TOPAZ1: variants seen among roughly 807,000 people sequenced by gnomAD.
TOPAZ1 encodes testis and ovary specific TOPAZ 1, also known as protein TOPAZ1.
In TOPAZ1, 66 loss-of-function variants were observed where a neutral mutation model predicts 172.2. The ratio of observed to expected loss-of-function variants is 0.38; its 90% CI spans 0.31 to 0.47. TOPAZ1 has a LOEUF of 0.47. TOPAZ1 is among the 20% of genes least tolerant of loss of function. The pLI, the probability that TOPAZ1 is intolerant of heterozygous loss-of-function variation, is 0.99. For missense variants in TOPAZ1, 1,822 were observed against 1,972.4 expected (o/e 0.92, Z 1.44); for synonymous variants, 681 against 683.9 (o/e 1.00, Z 0.07).
chr3:44,249,106 A>G (rs1163282705), intron 2 of TOPAZ1, among the ~76,000 whole-genome samples: 1 of 152,184 alleles, frequency 6.6e-6, no homozygotes, highest in African/African-American at 2.4e-5. Flanking sequence ...CATAATAGTC[A>G]GTGCTGGACA....
At chr3:44,249,717 C>T (rs903344217) in intron 2 of TOPAZ1, among the ~76,000 whole-genome samples, 9 of 152,172 alleles carry the variant, frequency 5.9e-5, no homozygotes, top group Admixed American at 5.9e-4. Context: ...ATTAAGGTTT[C>T]AATTCCTATT....
At position 44,256,167 on chromosome 3, in the gene TOPAZ1, T is replaced by C; in HGVS notation, c.2844T>C (p.Arg948=). ...ASNSAESEIK[R]DPKDVNTSLG... The stretch of plus-strand genomic sequence containing the variant: ...TCTTTTCAGAAAGTGAAATAAAACG[T>C]GATCCCAAAGATGTAAACACTTCCT... The change falls in exon 4 of 20, where the codon CGT becomes CGC. Residue 948 remains arginine (R), a synonymous_variant. Coordinates refer to ENST00000309765, the MANE Select transcript of TOPAZ1 (RefSeq NM_001145030.2). 6.6e-7 allele frequency: 1 copy of C among 1,508,420 alleles called. No individual in the cohort carries two copies. The highest frequency in any genetic ancestry group is 8.8e-7 in the Non-Finnish European group (1 of 1,134,108). The allele number at this position is 1,508,420 out of a possible 1,614,324, so 93.4% of individuals were successfully genotyped here.
chr3:44,284,643 A>G (rs1272050753), intron 9 of TOPAZ1, among the ~76,000 whole-genome samples: 1 of 152,144 alleles, frequency 6.6e-6, no homozygotes, highest in East Asian at 1.9e-4. Context: ...CTAAGAGTAA[A>G]ACTATAGGTC....
At chr3:44,288,373 A>G (rs1700101515) in intron 11 of TOPAZ1, among the ~76,000 whole-genome samples, 1 of 152,034 alleles carries the variant, frequency 6.6e-6, no homozygotes, top group East Asian at 1.9e-4. Context: ...TTGCTTGCCT[A>G]GAGATGTTTG....
At chr3:44,323,468 C>T (rs1201807190) in intron 18 of TOPAZ1, among the ~76,000 whole-genome samples, 173 bp downstream of exon 18, 2 of 152,216 alleles carry the variant, frequency 1.3e-5, no homozygotes, top group Non-Finnish European at 2.9e-5. Flanking sequence ...TGTTTCTCTT[C>T]TGTTTCCAGT....
intron 5 of TOPAZ1, among the ~76,000 whole-genome samples, chr3:44,264,950 C>T (rs1699813984): frequency 6.6e-6 from 1 of 152,228 alleles, no homozygotes. Flanking sequence ...CTTGCTATGT[C>T]CTCCACATTT....
chr3:44,331,748 G>T (rs1226348201), intron 19 of TOPAZ1, 44 bp from the exon 20 acceptor site: 1 of 1,374,110 alleles, frequency 7.3e-7, no homozygotes, highest in Admixed American at 2.0e-5. Flanking sequence ...AAACTATATA[G>T]CTTTTTTAAG....
intron 15 of TOPAZ1, among the ~76,000 whole-genome samples, chr3:44,307,706 G>A (rs529318922): frequency 4.3e-4 from 65 of 152,118 alleles, no homozygotes; most frequent in Non-Finnish European, 4.4e-4. Context: ...GAATATATAC[G>A]TTCAATAACA....
chr3:44,256,827 C>T (rs971668328), intron 4 of TOPAZ1, among the ~76,000 whole-genome samples: 1 of 152,068 alleles, frequency 6.6e-6, no homozygotes, highest in African/African-American at 2.4e-5. Context: ...AACTTGTTTT[C>T]GTCTCTCTCT....
At chr3:44,257,352 G>GTGTGT (rs1553645700) in intron 4 of TOPAZ1, among the ~76,000 whole-genome samples, 13 of 110,402 alleles carry the variant, frequency 1.2e-4, no homozygotes, top group African/African-American at 4.6e-4. Context: ...AAAACATAGG[G>GTGTGT]GTGTGTGTGT....
intron 16 of TOPAZ1, among the ~76,000 whole-genome samples, chr3:44,316,263 T>G (rs530161009): frequency 9.9e-5 from 15 of 151,926 alleles, no homozygotes; most frequent in Non-Finnish European, 2.2e-4. Context: ...ATAAATAAAG[T>G]AAACTTTTTT....
chr3:44,255,084 A>C (rs991091237), intron 3 of TOPAZ1, 55 bp downstream of exon 3: 4 of 1,274,004 alleles, frequency 3.1e-6, no homozygotes, highest in African/African-American at 2.9e-5. Context: ...TTATATCTCC[A>C]TTCAGGCCTA....
intron 16 of TOPAZ1, among the ~76,000 whole-genome samples, chr3:44,318,312 C>T (rs755239968): frequency 2.6e-5 from 4 of 151,986 alleles, no homozygotes; most frequent in Non-Finnish European, 5.9e-5. Flanking sequence ...ATTAGCTGGG[C>T]GTGGTGGCAG....
rs1386722547 is a variant in TOPAZ1, at chr3:44,244,710, T to C, written c.2204T>C (p.Val735Ala). ...AGACAGAACAGGAGTAAAGAAAATG[T>C]CTCCATGATGATGTTAGGACCTCAA... Reference protein sequence around the residue: ...DVRQNRSKENVSMMMLGPQTL... With the variant: ...DVRQNRSKENASMMMLGPQTL... The change falls in exon 2 of 20, where the codon GTC (valine) becomes GCC (alanine). Residue 735 changes from valine to alanine, a missense_variant. Val to Ala is a moderately conservative substitution (Grantham distance 64). Coordinates refer to ENST00000309765, the MANE Select transcript of TOPAZ1 (RefSeq NM_001145030.2). The C allele has an allele frequency of 9.0e-6, 14 of 1,551,358 alleles. No individual in the cohort carries two copies. The highest frequency in any genetic ancestry group is 1.1e-5 in the Non-Finnish European group (13 of 1,146,966).
intron 2 of TOPAZ1, among the ~76,000 whole-genome samples, chr3:44,245,930 AACTTTT>A (rs1699559971): frequency 6.6e-6 from 1 of 152,184 alleles, no homozygotes; most frequent in African/African-American, 2.4e-5. Context: ...TACACAGATA[AACTTTT>A]ACTTCAGCCA....
chr3:44,300,659 G>A (rs1700261915), intron 12 of TOPAZ1, among the ~76,000 whole-genome samples: 1 of 152,066 alleles, frequency 6.6e-6, no homozygotes, highest in Non-Finnish European at 1.5e-5. Flanking sequence ...ATCATATGCT[G>A]TTAGTGAGAA....
chr3:44,308,486 C>T (rs976830661), intron 15 of TOPAZ1, among the ~76,000 whole-genome samples: 4 of 152,086 alleles, frequency 2.6e-5, no homozygotes, highest in Non-Finnish European at 5.9e-5. Context: ...CATAGTATTC[C>T]ATGGTGTATA....
rs762252764 is a variant in TOPAZ1 at position 44,244,384 on chromosome 3, G to A, written c.1878G>A (p.Thr626=). 245 of 1,550,698 alleles carry A rather than the reference G, an allele frequency of 1.6e-4. No homozygotes were observed. The highest frequency in any genetic ancestry group is 6.7e-4 in the Admixed American group (34 of 50,814). ...TQLTSETQSL[T]GNKKKARGNL... ...TAACCAGTGAGACTCAAAGCTTAAC[G>A]GGAAATAAAAAAAAAGCTAGAGGAA... is the stretch of plus-strand genomic sequence containing the variant. Residue 626 remains threonine (T), a synonymous_variant, in exon 2 of 20, where the codon ACG becomes ACA. Coordinates refer to ENST00000309765, the MANE Select transcript of TOPAZ1 (RefSeq NM_001145030.2).
At chr3:44,312,951 A>G (rs1316208991) in intron 16 of TOPAZ1, among the ~76,000 whole-genome samples, 2 of 152,186 alleles carry the variant, frequency 1.3e-5, no homozygotes, top group Non-Finnish European at 2.9e-5. Flanking sequence ...AGAAATTGCT[A>G]TTATCCACTT....
Sources: allele counts gnomAD v4.1 joint callset (sites outside exome capture counted in the v4.1 genomes callset), GRCh38; gene constraint gnomAD v4.1.1; transcripts MANE v1.5; gene names NCBI Gene and HGNC (gene_info 2026-07-23, HGNC 2026-07-21).